Variants in ARID1B observed in about 807,000 individuals in gnomAD.
The protein encoded by ARID1B is AT-rich interactive domain-containing protein 1B.
Under a neutral mutation model 212.3 loss-of-function variants are expected in ARID1B, and 30 were observed. The observed-to-expected ratio is 0.14, with a 90% CI of 0.11 to 0.19. The LOEUF (loss-of-function observed/expected upper bound fraction) is 0.19. Among genes scored for constraint, ARID1B ranks in the 10% least tolerant of loss-of-function variants. ARID1B has a pLI of 1.00. For missense variants in ARID1B, 2,891 were observed against 3,204.0 expected (o/e 0.90, Z 2.36); for synonymous variants, 1,402 against 1,301.7 (o/e 1.08, Z -1.66).
rs760765281 is a variant in ARID1B at position 157,167,053 on chromosome 6, C to A, written c.3103C>A (p.Pro1035Thr). The A allele has an allele frequency of 1.2e-6, 2 of 1,611,588 alleles. No individual in the cohort carries two copies. The highest frequency in any genetic ancestry group is 2.7e-5 in the African/African-American group (2 of 74,928). ...CTCTTCCTGTAGGCAAGGCAGTTTC[C>A]CCGGCATGAACCAGAGTGGACTTAT... ...NSAQSRQGSF[P>T]GMNQSGLMAS... Residue 1035 changes from proline (P) to threonine (T), a missense_variant, in exon 9 of 20, where the codon CCC becomes ACC. Pro to Thr is a conservative substitution (Grantham distance 38). Around this residue, in one of 7 missense-constraint regions of ARID1B, gnomAD observed 1,643 missense variants for 1,544.0 expected, o/e 1.06. Coordinates refer to ENST00000636930, the MANE Select transcript of ARID1B (RefSeq NM_001374828.1).
chr6:157,161,803 G>A (rs1334475017), intron 8 of ARID1B, among the ~76,000 whole-genome samples: 1 of 152,158 alleles, frequency 6.6e-6, no homozygotes, highest in East Asian at 1.9e-4. Context: ...TTTAGTGTTA[G>A]CCTAGTTTAT....
chr6:157,099,301 A>T (rs942009455), intron 5 of ARID1B, among the ~76,000 whole-genome samples: 2 of 152,144 alleles, frequency 1.3e-5, no homozygotes, highest in East Asian at 1.9e-4. Context: ...TTAAGTCTAG[A>T]AGTCCGTGCA....
At chr6:156,845,199 G>A (rs1420193796) in intron 2 of ARID1B, among the ~76,000 whole-genome samples, 3 of 152,102 alleles carry the variant, frequency 2.0e-5, no homozygotes, top group Non-Finnish European at 4.4e-5. Flanking sequence ...TTTAAATTTT[G>A]TGTGGCTTTC....
At chr6:156,792,480 T>C (rs1431159973) in intron 1 of ARID1B, among the ~76,000 whole-genome samples, 1 of 152,238 alleles carries the variant, frequency 6.6e-6, no homozygotes, top group African/African-American at 2.4e-5. Context: ...ATTTTTGGAT[T>C]TTTATTAGAC....
chr6:156,994,267 G>A (rs111643431), intron 4 of ARID1B, among the ~76,000 whole-genome samples: 27 of 152,250 alleles, frequency 1.8e-4, no homozygotes, highest in African/African-American at 6.0e-4. Context: ...GTGGGTCTGC[G>A]TTCTCTTTCA....
At chr6:157,053,155 G>A (rs912647548) in intron 4 of ARID1B, among the ~76,000 whole-genome samples, 4 of 151,862 alleles carry the variant, frequency 2.6e-5, no homozygotes, top group East Asian at 3.9e-4. Context: ...GCATGATCTC[G>A]GCTCACTGCA....
intron 4 of ARID1B, among the ~76,000 whole-genome samples, chr6:157,025,132 T>C (rs1380231787): frequency 1.3e-5 from 2 of 152,210 alleles, no homozygotes; most frequent in Non-Finnish European, 2.9e-5. Flanking sequence ...AACTTTGACC[T>C]CCTCCATAAG....
intron 4 of ARID1B, among the ~76,000 whole-genome samples, chr6:156,944,898 T>TA (rs1554272388): frequency 1.3e-5 from 2 of 151,770 alleles, no homozygotes; most frequent in Non-Finnish European, 2.9e-5. Context: ...CTGCAAGCTT[T>TA]TTCTTCTTCT....
chr6:156,841,088 C>G (rs1159223917), intron 2 of ARID1B, among the ~76,000 whole-genome samples: 2 of 152,188 alleles, frequency 1.3e-5, no homozygotes, highest in African/African-American at 2.4e-5. Flanking sequence ...GAAGAGAGTT[C>G]TACCACATGT....
At chr6:156,962,469 C>A (rs1186460589) in intron 4 of ARID1B, among the ~76,000 whole-genome samples, 1 of 152,066 alleles carries the variant, frequency 6.6e-6, no homozygotes, top group African/African-American at 2.4e-5. Context: ...TCTTTTGGGG[C>A]GTGGTGGGGA....
intron 7 of ARID1B, among the ~76,000 whole-genome samples, chr6:157,144,726 G>C (rs1009200620): frequency 2.6e-5 from 4 of 152,204 alleles, no homozygotes; most frequent in Non-Finnish European, 5.9e-5. Context: ...CCACCTACCA[G>C]GGTGCACAGA....
At chr6:156,968,777 G>T (rs1402366093) in intron 4 of ARID1B, among the ~76,000 whole-genome samples, 1 of 152,206 alleles carries the variant, frequency 6.6e-6, no homozygotes, top group Non-Finnish European at 1.5e-5. Context: ...GCTGGAAATG[G>T]GAGTCAAGGC....
intron 6 of ARID1B, among the ~76,000 whole-genome samples, chr6:157,113,211 G>C (rs759586131): frequency 6.6e-6 from 1 of 152,092 alleles, no homozygotes; most frequent in Non-Finnish European, 1.5e-5. Context: ...ATGAGCCACC[G>C]CACCCGGCCA....
At chr6:157,054,808 A>C (rs1381739436) in intron 4 of ARID1B, among the ~76,000 whole-genome samples, 1 of 152,234 alleles carries the variant, frequency 6.6e-6, no homozygotes, top group Non-Finnish European at 1.5e-5. Context: ...TTATTTTAGC[A>C]TAAAACACAT....
intron 1 of ARID1B, among the ~76,000 whole-genome samples, chr6:156,812,976 G>GTGTATA (rs554173642): frequency 1.9e-5 from 2 of 104,350 alleles, no homozygotes; most frequent in African/African-American, 3.2e-5. Context: ...GTGTGTGTGT[G>GTGTATA]TATGTATATA....
intron 1 of ARID1B, among the ~76,000 whole-genome samples, chr6:156,812,970 G>GTA (rs1562403996): frequency 1.9e-4 from 18 of 93,322 alleles, no homozygotes; most frequent in African/African-American, 5.3e-4. Flanking sequence ...GTGTGTGTGT[G>GTA]TGTGTGTATG....
chr6:157,149,827 G>A (rs1790072670), intron 8 of ARID1B: 2 of 152,212 alleles, frequency 1.3e-5, no homozygotes, highest in Non-Finnish European at 2.9e-5. Context: ...GTGTGTGCAT[G>A]TGTGTGCGTG....
In ARID1B at chr6:156,778,344, A is replaced by C; in HGVS notation, c.664A>C (p.Ser222Arg). ...QQQHPISNNN[S>R]LGGAGGGAPQ... is the part of the protein sequence containing the mutation. ...GCAACATCCCATTTCCAACAACAAC[A>C]GCTTGGGCGGCGCGGGCGGCGGCGC... is the stretch of plus-strand genomic sequence containing the variant. The change falls in exon 1 of 20, where the codon AGC (serine) becomes CGC (arginine). Residue 222 changes from serine to arginine, a missense_variant. By Grantham distance (110) the Ser-to-Arg change is moderately radical (BLOSUM62 -1). This residue lies in a region of ARID1B where 1,643 missense variants were observed against 1,544.0 expected (regional missense o/e 1.06). Transcript: ENST00000636930. 9 of 1,540,706 alleles carry C rather than the reference A, an allele frequency of 5.8e-6. No individual in the cohort carries two copies. The highest frequency in any genetic ancestry group is 7.0e-6 in the Non-Finnish European group (8 of 1,145,606).
intron 4 of ARID1B, among the ~76,000 whole-genome samples, chr6:157,051,401 A>G (rs950358213): frequency 3.0e-4 from 45 of 152,238 alleles, no homozygotes; most frequent in African/African-American, 1.1e-3. Flanking sequence ...TTTAAATGCT[A>G]ACGGAAAATG....
Sources: allele counts gnomAD v4.1 joint callset (sites outside exome capture counted in the v4.1 genomes callset), GRCh38; gene constraint gnomAD v4.1.1; regional missense constraint gnomAD v4.1.1; transcripts MANE v1.5; gene names NCBI Gene and HGNC (gene_info 2026-07-23, HGNC 2026-07-21).